The following MOV10L1 variants were observed in gnomAD, a reference collection of about 807,000 sequenced individuals.
MOV10L1 encodes RNA helicase Mov10l1.
In MOV10L1, 110 loss-of-function variants were observed where a neutral mutation model predicts 143.8. The observed-to-expected ratio is 0.76, with a 90% CI of 0.66 to 0.90. The LOEUF (loss-of-function observed/expected upper bound fraction) is 0.90, where lower values mean the gene tolerates loss of function less well. MOV10L1 is among the 40% of genes least tolerant of loss of function. The pLI, the probability that MOV10L1 is intolerant of heterozygous loss-of-function variation, is 0.00. For synonymous variants in MOV10L1, 593 were observed against 581.1 expected, an observed-to-expected ratio of 1.02 and a Z score of -0.29; for missense variants, 1,406 against 1,526.8, an observed-to-expected ratio of 0.92 and a Z score of 1.32.
At chr22:50,090,474 C>T (rs1030301664) in intron 1 of MOV10L1, 1 of 1,609,906 alleles carries the variant, frequency 6.2e-7, no homozygotes, top group Admixed American at 1.7e-5. Context: ...AGTCGTCTCT[C>T]CATGTCGTTC....
At position 50,091,982 on chromosome 22, in the gene MOV10L1, CTTT is replaced by C; in HGVS notation, c.98-18_98-16del. Reference sequence around the variant, plus strand: ...CTTGCTTTTATGGCCAAGATAACTTCTTTGTTTACCTACCTCAGGTGACACTAA... The same window carrying C: ...CTTGCTTTTATGGCCAAGATAACTTCGTTTACCTACCTCAGGTGACACTAA... On this transcript the variant is annotated splice_polypyrimidine_tract_variant and intron_variant, in intron 1 of 26. Coordinates refer to ENST00000262794, the MANE Select transcript of MOV10L1 (RefSeq NM_018995.3). 1 of 1,606,814 alleles carries C rather than the reference CTTT, an allele frequency of 6.2e-7. No individual in the cohort carries two copies. The highest frequency in any genetic ancestry group is 8.5e-7 in the Non-Finnish European group (1 of 1,176,036).
rs1367167500 is a variant in MOV10L1, at chr22:50,137,731, T to TAC, written c.2070+3102_2070+3103insCA. 6.7e-4 allele frequency among the ~76,000 whole-genome samples: 98 copies of TAC among 147,316 alleles called. 2 individuals carry two copies. The highest frequency in any genetic ancestry group is 1.2e-3 in the Non-Finnish European group (81 of 67,108). On this transcript the variant is annotated intron_variant, in intron 15 of 26. Transcript: ENST00000262794. Reference sequence around the variant, plus strand: ...AAAAATACATATGTATATACACATATATATATTTTATATATATACATATAT... The same window carrying TAC: ...AAAAATACATATGTATATACACATATACATATATTTTATATATATACATATAT...
At chr22:50,134,257 G>A (rs984025071) in intron 14 of MOV10L1, among the ~76,000 whole-genome samples, 192 bp downstream of exon 14, 1 of 152,104 alleles carries the variant, frequency 6.6e-6, no homozygotes, top group Non-Finnish European at 1.5e-5. Flanking sequence ...ACTAATAATA[G>A]CATGCTTAAA....
chr22:50,118,531 A>G (rs1040283258), intron 9 of MOV10L1, among the ~76,000 whole-genome samples: 1 of 152,124 alleles, frequency 6.6e-6, no homozygotes, highest in African/African-American at 2.4e-5. Flanking sequence ...TTGAAAACCA[A>G]CCCCCAAGGA....
chr22:50,117,012 A>C (rs2062197754), intron 8 of MOV10L1, 145 bp from the exon 9 acceptor site: 1 of 770,052 alleles, frequency 1.3e-6, no homozygotes, highest in African/African-American at 1.7e-5. Context: ...ATTTTAGAAG[A>C]TCTCTTTTTT....
Position 50,090,024 on chromosome 22 carries a change from GAGCGGCGCGGGCGCGTGCGGGCGGCGGC to G in MOV10L1, c.-57_-30del, listed in dbSNP as rs968785695. Reference sequence around the variant, plus strand: ...CGACCCCATTGGTGGCGGGCGGCGGGAGCGGCGCGGGCGCGTGCGGGCGGCGGCAGCGGCGGTGACGGCAGCCTAGGCC... The same window carrying G: ...CGACCCCATTGGTGGCGGGCGGCGGGAGCGGCGGTGACGGCAGCCTAGGCC... On this transcript the variant is annotated 5_prime_UTR_variant, in exon 1 of 27. Transcript: ENST00000262794. The G allele has an allele frequency of 9.6e-6, 11 of 1,144,464 alleles. No homozygotes were observed. The highest frequency in any genetic ancestry group is 1.6e-5 in the African/African-American group (1 of 61,138). 70.9% of individuals were successfully genotyped at this position (1,144,464 alleles called of 1,614,324 possible). A position where few individuals can be genotyped will look rare whatever the true frequency, so the allele number is the denominator to read the frequency against.
chr22:50,102,957 C>T (rs1364561867), intron 3 of MOV10L1, among the ~76,000 whole-genome samples: 2 of 152,158 alleles, frequency 1.3e-5, no homozygotes, highest in African/African-American at 2.4e-5. Context: ...TGTCCAGGGT[C>T]GTGTCAGAGG....
At chr22:50,099,678 T>C in intron 3 of MOV10L1, 76 bp downstream of exon 3, 2 of 1,501,102 alleles carry the variant, frequency 1.3e-6, no homozygotes, top group Non-Finnish European at 1.8e-6. Context: ...CCAGGCACGG[T>C]GGCTCATGCC....
chr22:50,144,002 C>G, intron 17 of MOV10L1, 95 bp from the exon 18 acceptor site: 1 of 1,485,628 alleles, frequency 6.7e-7, no homozygotes, highest in Non-Finnish European at 9.2e-7. Flanking sequence ...GCAGCTGAGT[C>G]CCTGCACCCG....
At chr22:50,105,808 G>A (rs905076435) in intron 3 of MOV10L1, among the ~76,000 whole-genome samples, 1 of 152,242 alleles carries the variant, frequency 6.6e-6, no homozygotes, top group Non-Finnish European at 1.5e-5. Flanking sequence ...AGCCCCCAGT[G>A]TCCGTGTGTG....
chr22:50,152,333 T>C lies in MOV10L1; in HGVS notation c.2893-712T>C, dbSNP rs1197756681. 6.6e-6 allele frequency among the ~76,000 whole-genome samples: 1 copy of C among 152,198 alleles called. No homozygotes were observed. Among genetic ancestry groups the C allele is most frequent in the East Asian group, 1.9e-4 (1 of 5,204 alleles). On this transcript the variant is annotated intron_variant, in intron 21 of 26. Transcript: ENST00000262794. This position sits in a 1 kb window ranked among gnomAD's most constrained non-coding sequence, Gnocchi z 4.4. ...CAGACGCAGCGAGTCCTCATGCCAA[T>C]ACATGGGTCACGTGATGAGCAGGGT...
At chr22:50,127,234 A>G (rs1051598318) in intron 12 of MOV10L1, among the ~76,000 whole-genome samples, 1 of 152,208 alleles carries the variant, frequency 6.6e-6, no homozygotes, top group Non-Finnish European at 1.5e-5. Flanking sequence ...GCAGAGCCAG[A>G]GATCTCAGGA....
chr22:50,156,740 G>A (rs986310723), intron 22 of MOV10L1, among the ~76,000 whole-genome samples: 6 of 152,190 alleles, frequency 3.9e-5, no homozygotes, highest in African/African-American at 1.2e-4. Flanking sequence ...TGTATTGTGT[G>A]TATACACCAT....
In MOV10L1 at chr22:50,160,792, G is replaced by A. The variant is rs376489254; in HGVS notation, c.3429G>A (p.Leu1143=). Residue 1143 remains leucine (L), a synonymous_variant, in exon 25 of 27, where the codon CTG becomes CTA. Transcript: ENST00000262794. ...NVAITRPKAL[L]IVLGNPHVLV... ...CAATCACCAGACCCAAAGCTTTGCTGATAGTGCTGGGAAACCCCCATGTTC... is the reference window on the plus strand; with the variant it reads ...CAATCACCAGACCCAAAGCTTTGCTAATAGTGCTGGGAAACCCCCATGTTC... 1.2e-4 allele frequency: 190 copies of A among 1,613,984 alleles called. No individual in the cohort carries two copies. Among genetic ancestry groups the A allele is most frequent in the Non-Finnish European group, 1.5e-4 (173 of 1,180,022 alleles).
intron 12 of MOV10L1, 70 bp downstream of exon 12, chr22:50,126,342 T>C (rs1345390899): frequency 2.7e-5 from 32 of 1,165,366 alleles, no homozygotes; most frequent in Non-Finnish European, 3.9e-5. Context: ...GGTAACGTTC[T>C]CCCCACGGCT....
chr22:50,143,253 T>A (rs901547083), intron 17 of MOV10L1, 32 bp downstream of exon 17: 1 of 1,604,962 alleles, frequency 6.2e-7, no homozygotes, highest in Non-Finnish European at 8.5e-7. Flanking sequence ...GTGCTGTGGC[T>A]CTGTGCTGCT....
chr22:50,158,190 C>T lies in MOV10L1; in HGVS notation c.3200C>T (p.Thr1067Met), dbSNP rs775445816. 4.3e-6 allele frequency: 7 copies of T among 1,614,148 alleles called. No individual in the cohort carries two copies. The highest frequency in any genetic ancestry group is 2.2e-5 in the East Asian group (1 of 44,882). ...QVSASDIGVI[T>M]PYRKQVEKIR... Reference sequence around the variant, plus strand: ...TCTGCCAGCGACATTGGCGTCATCACGCCCTACCGGAAGCAGGTACGCCCT... The same window carrying T: ...TCTGCCAGCGACATTGGCGTCATCATGCCCTACCGGAAGCAGGTACGCCCT... Residue 1067 changes from threonine to methionine, a missense_variant, in exon 23 of 27, where the codon ACG becomes ATG. Around this residue, in one of 3 missense-constraint regions of MOV10L1, gnomAD observed 1,233 missense variants for 1,351.4 expected, o/e 0.91. Coordinates refer to ENST00000262794, the MANE Select transcript of MOV10L1 (RefSeq NM_018995.3). The surrounding 1 kb of genome is among the most constrained non-coding windows in gnomAD (Gnocchi z 5.0).
chr22:50,135,409 C>T (rs2062796945), intron 15 of MOV10L1, among the ~76,000 whole-genome samples: 2 of 151,946 alleles, frequency 1.3e-5, no homozygotes, highest in Non-Finnish European at 2.9e-5. Flanking sequence ...ATACACACCC[C>T]GCAAATTGTT....
intron 8 of MOV10L1, among the ~76,000 whole-genome samples, chr22:50,116,684 G>A (rs989818157): frequency 5.3e-4 from 19 of 35,562 alleles, no homozygotes; most frequent in Admixed American, 4.9e-3. Context: ...TTTTTTTTTT[G>A]AGACAGGGTC....
Sources: gnomAD v4.1 joint callset for allele counts (sites outside exome capture counted in the v4.1 genomes callset) on GRCh38, gnomAD v4.1.1 for gene constraint, gnomAD v4.1.1 regional missense constraint, Gnocchi (gnomAD v3.1) non-coding constraint, MANE v1.5 for transcripts, NCBI Gene and HGNC (gene_info 2026-07-23, HGNC 2026-07-21) for gene names.